The following DIS3 variants were observed in gnomAD, a reference collection of about 807,000 sequenced individuals.
The protein encoded by DIS3 is DIS3 exosome endoribonuclease and 3'-5' exoribonuclease, also known as exosome complex exonuclease RRP44.
In DIS3, 103 loss-of-function variants were observed where a neutral mutation model predicts 113.0. The observed-to-expected ratio is 0.91, with a 90% CI of 0.78 to 1.07. The LOEUF (loss-of-function observed/expected upper bound fraction) is 1.07, where lower values mean the gene tolerates loss of function less well. Among genes scored for constraint, DIS3 ranks in the 50% least tolerant of loss-of-function variants. The pLI is 0.00. For synonymous variants in DIS3, 402 were observed against 394.3 expected (o/e 1.02, Z -0.23); for missense variants, 1,121 against 1,167.1 (o/e 0.96, Z 0.58).
chr13:72,765,203 C>A (rs533953666), intron 15 of DIS3, among the ~76,000 whole-genome samples: 1 of 152,154 alleles, frequency 6.6e-6, no homozygotes, highest in East Asian at 1.9e-4. Context: ...CTCACAGCAC[C>A]CTATGAGGTA....
At chr13:72,775,641 ATTAT>A (rs2033995836) in intron 5 of DIS3, among the ~76,000 whole-genome samples, 1 of 152,166 alleles carries the variant, frequency 6.6e-6, no homozygotes, top group Admixed American at 6.5e-5. Context: ...CTTTGGAAAA[ATTAT>A]TTATGCTCTC....
rs1391445557 is a variant in DIS3 at position 72,773,802 on chromosome 13, G to A, written c.1121C>T (p.Thr374Ile). 1 of 1,612,582 alleles carries A rather than the reference G, an allele frequency of 6.2e-7. No homozygotes were observed. The highest frequency in any genetic ancestry group is 1.7e-5 in the Admixed American group (1 of 59,782). ...DIKESRRHLF[T>I]PADKRIPRIR... ...TCGAGGGATTCTCTTATCAGCAGGT[G>A]TAAAGAGATGTCTTCTTGACTAGCA... Residue 374 changes from threonine to isoleucine, a missense_variant, in exon 8 of 21, where the codon ACA (threonine) becomes ATA (isoleucine). Around this residue, in one of 3 missense-constraint regions of DIS3, gnomAD observed 861 missense variants for 915.5 expected, o/e 0.94. Transcript: ENST00000377767.
At chr13:72,781,546 C>T (rs1474941307) in intron 1 of DIS3, 59 bp downstream of exon 1, 2 of 1,461,594 alleles carry the variant, frequency 1.4e-6, no homozygotes, top group Non-Finnish European at 1.8e-6. Flanking sequence ...CTCAGTTTCC[C>T]TGTCATACCC....
intron 1 of DIS3, chr13:72,781,299 G>A (rs1226309923): frequency 2.4e-5 from 38 of 1,551,178 alleles, no homozygotes; most frequent in Non-Finnish European, 3.2e-5. Flanking sequence ...AAGCTGCCTG[G>A]GAGTCGCAGG....
intron 1 of DIS3, 190 bp downstream of exon 1, chr13:72,781,415 G>T (rs950064678): frequency 1.3e-6 from 2 of 1,519,408 alleles, no homozygotes; most frequent in South Asian, 1.3e-5. Flanking sequence ...ACGACTCCAA[G>T]AACTAAATTT....
chr13:72,775,222 T>C lies in DIS3; in HGVS notation c.976A>G (p.Thr326Ala), dbSNP rs549446767. ...GCTTAGATTCATACCATTCGTTCTG[T>C]CTCTTCTTCTTTCTCCACATCTTCT... Reference protein sequence around the residue: ...NEEDVEKEEETERMLKTAVSE... With the variant: ...NEEDVEKEEEAERMLKTAVSE... Residue 326 changes from threonine to alanine, a missense_variant, in exon 6 of 21, where the codon ACA becomes GCA. Thr to Ala is a moderately conservative substitution (Grantham distance 58, BLOSUM62 0). Coordinates refer to ENST00000377767, the MANE Select transcript of DIS3 (RefSeq NM_014953.5). 1.3e-4 allele frequency: 203 copies of C among 1,612,774 alleles called. 1 individual carries two copies. In the South Asian group the frequency reaches 1.7e-3, roughly 14 times the overall value.
intron 15 of DIS3, among the ~76,000 whole-genome samples, 159 bp from the exon 16 acceptor site, chr13:72,763,766 T>A (rs530544643): frequency 6.6e-6 from 1 of 152,350 alleles, no homozygotes; most frequent in Non-Finnish European, 1.5e-5. Context: ...AAATAACTTA[T>A]GATTCTTTCA....
At chr13:72,772,578 A>G in intron 9 of DIS3, 115 bp downstream of exon 9, 3 of 1,136,098 alleles carry the variant, frequency 2.6e-6, no homozygotes, top group Non-Finnish European at 3.6e-6. Flanking sequence ...ACCCAACAAA[A>G]TGCAGGAAAA....
Position 72,762,112 on chromosome 13 carries a change from G to C in DIS3, c.2153C>G (p.Ala718Gly). 6.2e-7 allele frequency: 1 copy of C among 1,613,896 alleles called. No homozygotes were observed. The highest frequency in any genetic ancestry group is 1.7e-5 in the Admixed American group (1 of 60,018). ...SRNLEIKTDT[A>G]KSLAESLDQA... Reference sequence around the variant, plus strand: ...ATCCAAAGACTCAGCCAAAGACTTGGCTGTATCAGTCTTAATTTCCAAATT... The same window carrying C: ...ATCCAAAGACTCAGCCAAAGACTTGCCTGTATCAGTCTTAATTTCCAAATT... The change falls in exon 17 of 21, where the codon GCC becomes GGC. Residue 718 changes from alanine to glycine, a missense_variant. Ala to Gly is a moderately conservative substitution (Grantham distance 60, BLOSUM62 0). Around this residue, in one of 3 missense-constraint regions of DIS3, gnomAD observed 861 missense variants for 915.5 expected, o/e 0.94. Coordinates refer to ENST00000377767, the MANE Select transcript of DIS3 (RefSeq NM_014953.5).
In DIS3 at chr13:72,755,337, CCTT is replaced by C; in HGVS notation, c.*4455_*4457del. ...TCAAGTAACATGCTTAGCTTTCCCT[CCTT>C]AATGTGAAAAATCAAGGGCTTACTG... On this transcript the variant is annotated 3_prime_UTR_variant, in exon 21 of 21. Transcript: ENST00000377767. The C allele has an allele frequency of 4.0e-6, 3 of 750,016 alleles. No individual in the cohort carries two copies. Among genetic ancestry groups the C allele is most frequent in the Non-Finnish European group, 6.4e-6 (3 of 466,338 alleles). The allele number at this position is 750,016 out of a possible 1,614,324, so 46.5% of individuals were successfully genotyped here. A position where few individuals can be genotyped will look rare whatever the true frequency, so the allele number is the denominator to read the frequency against.
In DIS3 at chr13:72,759,672, C is replaced by G. The variant is rs1048218808; in HGVS notation, c.*123G>C. The G allele has an allele frequency of 1.4e-6, 1 of 713,426 alleles. No individual in the cohort carries two copies. The allele number at this position is 713,426 out of a possible 1,614,324, so 44.2% of individuals were successfully genotyped here. A position where few individuals can be genotyped will look rare whatever the true frequency, so the allele number is the denominator to read the frequency against. On this transcript the variant is annotated 3_prime_UTR_variant, in exon 21 of 21. Transcript: ENST00000377767. The stretch of plus-strand genomic sequence containing the variant: ...AACTGTTCAATAAAAATGCAGATGT[C>G]TGAAATTATTAAAATGTACTTAAAA...
chr13:72,772,312 C>A, intron 9 of DIS3, 37 bp from the exon 10 acceptor site: 1 of 1,474,952 alleles, frequency 6.8e-7, no homozygotes, highest in Non-Finnish European at 9.3e-7. Flanking sequence ...TAAATTATTT[C>A]CAAAGCACAA....
At position 72,778,316 on chromosome 13, in the gene DIS3, C is replaced by G. The variant is rs747251840; in HGVS notation, c.451G>C (p.Val151Leu). Reference sequence around the variant, plus strand: ...TGTTCATTGTACCATTTTGCTGCTACTCGAATCGCTCTATCATTCCTGTCA... The same window carrying G: ...TGTTCATTGTACCATTTTGCTGCTAGTCGAATCGCTCTATCATTCCTGTCA... ...ANDRNDRAIR[V>L]AAKWYNEHLK... The change falls in exon 3 of 21, where the codon GTA becomes CTA. Residue 151 changes from valine (V) to leucine (L), a missense_variant. Transcript: ENST00000377767. 2.6e-5 allele frequency: 42 copies of G among 1,603,168 alleles called. No individual in the cohort carries two copies. Among genetic ancestry groups the G allele is most frequent in the Non-Finnish European group, 3.3e-5 (39 of 1,172,080 alleles).
At chr13:72,760,274 A>C (rs2033591949) in intron 20 of DIS3, among the ~76,000 whole-genome samples, 1 of 152,186 alleles carries the variant, frequency 6.6e-6, no homozygotes, top group Admixed American at 6.5e-5. Flanking sequence ...CAAAACTTCT[A>C]GATAGAAAAG....
chr13:72,772,625 T>C (rs1488276357), intron 9 of DIS3, 68 bp downstream of exon 9: 7 of 1,505,066 alleles, frequency 4.7e-6, no homozygotes, highest in African/African-American at 1.4e-5. Flanking sequence ...AAAACACATA[T>C]AGAAATTAAA....
chr13:72,772,059 T>C (rs2033898585), intron 10 of DIS3, 100 bp downstream of exon 10: 1 of 1,238,932 alleles, frequency 8.1e-7, no homozygotes. Flanking sequence ...ACAATTATAC[T>C]TCACAAGAGT....
intron 15 of DIS3, among the ~76,000 whole-genome samples, chr13:72,765,281 C>T (rs1182062946): frequency 6.6e-6 from 1 of 152,120 alleles, no homozygotes; most frequent in African/African-American, 2.4e-5. Context: ...CAAATAACTA[C>T]TTTAGTGGGA....
intron 13 of DIS3, among the ~76,000 whole-genome samples, chr13:72,770,194 T>C (rs923465160): frequency 2.7e-5 from 4 of 148,948 alleles, no homozygotes; most frequent in Admixed American, 2.7e-4. Flanking sequence ...TCTTTTCAAG[T>C]ATATATTCTT....
chr13:72,762,906 T>C (rs1304403601), intron 16 of DIS3, among the ~76,000 whole-genome samples: 2 of 152,034 alleles, frequency 1.3e-5, no homozygotes, highest in Non-Finnish European at 2.9e-5. Flanking sequence ...ATATGAAACA[T>C]GCATAAAGAC....
Sources: allele counts gnomAD v4.1 joint callset (sites outside exome capture counted in the v4.1 genomes callset), GRCh38; gene constraint gnomAD v4.1.1; regional missense constraint gnomAD v4.1.1; transcripts MANE v1.5; gene names NCBI Gene and HGNC (gene_info 2026-07-23, HGNC 2026-07-21).